XXYLT1: variants seen among roughly 807,000 people sequenced by gnomAD.
The protein encoded by XXYLT1 is xyloside xylosyltransferase 1, also known as UDP-xylose:alpha-xyloside alpha-1,3-xylosyltransferase.
In XXYLT1, 20 loss-of-function variants were observed where a neutral mutation model predicts 28.9. That is an observed-to-expected ratio of 0.69 (90% CI 0.49 to 1.00). XXYLT1 has a LOEUF of 1.00. Ranked by LOEUF, XXYLT1 falls within the 50% of genes least tolerant of loss-of-function variation. The pLI is 0.00. For missense variants in XXYLT1, 542 were observed against 560.1 expected (o/e 0.97, Z 0.33); for synonymous variants, 257 against 253.8 (o/e 1.01, Z -0.12).
chr3:195,235,828 CG>C (rs34077805), intron 1 of XXYLT1, among the ~76,000 whole-genome samples: 4,672 of 152,148 alleles, frequency 0.031, 139 homozygotes, highest in East Asian at 0.1. Flanking sequence ...AAGAATTCTC[CG>C]AATTACTTGT....
At chr3:195,152,755 A>G (rs967931383) in intron 3 of XXYLT1, 1 of 152,268 alleles carries the variant, frequency 6.6e-6, no homozygotes, top group African/African-American at 2.4e-5. Context: ...AGGTAAAGTA[A>G]CTATGGGACA....
chr3:195,260,651 C>T (rs1432379775), intron 1 of XXYLT1, among the ~76,000 whole-genome samples: 1 of 152,214 alleles, frequency 6.6e-6, no homozygotes, highest in East Asian at 1.9e-4. Flanking sequence ...ACCTCTCAAC[C>T]GACCCCTCCG....
chr3:195,069,485 G>A lies in XXYLT1; in HGVS notation c.*230C>T, dbSNP rs936331472. ...CCCACTGGACATGCGTGTCCTTTGT[G>A]TCGCCTGCTCCCTGGAGGAATAAGG... On this transcript the variant is annotated 3_prime_UTR_variant, in exon 4 of 4. Coordinates refer to ENST00000310380, the MANE Select transcript of XXYLT1 (RefSeq NM_152531.5). The A allele has an allele frequency of 4.8e-5, 27 of 567,570 alleles. No individual in the cohort carries two copies. The East Asian group carries it at 7.6e-4, about 16-fold the overall frequency. The allele number at this position is 567,570 out of a possible 1,614,324, so 35.2% of individuals were successfully genotyped here.
At chr3:195,114,875 G>T (rs540160341) in intron 3 of XXYLT1, among the ~76,000 whole-genome samples, 1 of 152,258 alleles carries the variant, frequency 6.6e-6, no homozygotes, top group Non-Finnish European at 1.5e-5. Flanking sequence ...CCCTGCCGGT[G>T]CAAGGAGGCT....
chr3:195,143,903 TTA>T (rs1403998754), intron 3 of XXYLT1, among the ~76,000 whole-genome samples: 33 of 136,402 alleles, frequency 2.4e-4, no homozygotes, highest in Non-Finnish European at 3.9e-4. Context: ...TTTTTTATTT[TTA>T]TTTTTTTTTT....
intron 3 of XXYLT1, among the ~76,000 whole-genome samples, chr3:195,075,113 A>G (rs75226331): frequency 0.12 from 18,773 of 152,206 alleles, 1,347 homozygotes; most frequent in East Asian, 0.3. Flanking sequence ...TTAGCCGGGC[A>G]TGGTGGCGTG....
At chr3:195,086,324 A>G (rs1203007871) in intron 3 of XXYLT1, among the ~76,000 whole-genome samples, 2 of 152,170 alleles carry the variant, frequency 1.3e-5, no homozygotes, top group African/African-American at 4.8e-5. Flanking sequence ...GCTTTATCAG[A>G]ACTGTCTGCT....
chr3:195,123,667 C>T (rs1395257233), intron 3 of XXYLT1, among the ~76,000 whole-genome samples: 9 of 152,150 alleles, frequency 5.9e-5, no homozygotes, highest in East Asian at 1.9e-4. Flanking sequence ...AGAATGATTG[C>T]GGATTCCAAG....
chr3:195,182,623 C>G (rs568733022), intron 2 of XXYLT1, among the ~76,000 whole-genome samples: 35 of 152,308 alleles, frequency 2.3e-4, no homozygotes, highest in South Asian at 2.3e-3. Flanking sequence ...CCTCCTCCCC[C>G]ACTCCCCTGA....
rs548413940 is a variant in XXYLT1, at chr3:195,142,341, T to C, written c.785+14108A>G. The stretch of plus-strand genomic sequence containing the variant: ...ATGGTGGGCAGGCAGATCTAGAAAA[T>C]GGAGTCTTCGGTGGCAGGGTCTCAT... On this transcript the variant is annotated intron_variant, in intron 3 of 3. Coordinates refer to ENST00000310380, the MANE Select transcript of XXYLT1 (RefSeq NM_152531.5). Among the ~76,000 whole-genome samples the C allele has an allele frequency of 2.3e-3, 355 of 152,342 alleles. 5 individuals are homozygous for C. The highest frequency in any genetic ancestry group is 3.0e-3 in the Non-Finnish European group (203 of 68,034).
intron 3 of XXYLT1, among the ~76,000 whole-genome samples, chr3:195,144,107 T>TTAA (rs1719705680): frequency 6.7e-6 from 1 of 149,646 alleles, no homozygotes; most frequent in East Asian, 2.1e-4. Context: ...TTGGCCAGGC[T>TTAA]GGTCTCAAAC....
intron 3 of XXYLT1, among the ~76,000 whole-genome samples, chr3:195,125,300 G>A (rs534524654): frequency 1.2e-4 from 19 of 152,306 alleles, no homozygotes; most frequent in East Asian, 1.9e-4. Flanking sequence ...CTCGACCTTC[G>A]ACCAAACAGT....
At chr3:195,105,765 C>T (rs1020781532) in intron 3 of XXYLT1, among the ~76,000 whole-genome samples, 3 of 152,218 alleles carry the variant, frequency 2.0e-5, no homozygotes, top group Non-Finnish European at 4.4e-5. Context: ...GCAGAGCCCC[C>T]CAGGTCATTT....
intron 3 of XXYLT1, among the ~76,000 whole-genome samples, chr3:195,100,339 G>A (rs1716707251): frequency 6.6e-6 from 1 of 152,142 alleles, no homozygotes; most frequent in Non-Finnish European, 1.5e-5. Context: ...ATGGAAGCCA[G>A]GTACAGCAGG....
At chr3:195,260,149 C>A (rs1349621187) in intron 1 of XXYLT1, 1 of 151,616 alleles carries the variant, frequency 6.6e-6, no homozygotes, top group Non-Finnish European at 1.5e-5. Flanking sequence ...GGCTTGGGGG[C>A]TGCAGCCGCG....
chr3:195,106,326 A>G, intron 3 of XXYLT1, among the ~76,000 whole-genome samples: 1 of 151,952 alleles, frequency 6.6e-6, no homozygotes. Flanking sequence ...TGATGGAGAG[A>G]TGCTCTTGTT....
intron 2 of XXYLT1, among the ~76,000 whole-genome samples, chr3:195,199,956 T>G (rs1408269082): frequency 2.0e-5 from 3 of 152,258 alleles, no homozygotes; most frequent in Non-Finnish European, 4.4e-5. Context: ...AGTTGGGACC[T>G]GCTGGTTAGT....
Position 195,150,759 on chromosome 3 carries a change from A to G in XXYLT1, c.785+5690T>C, listed in dbSNP as rs28569214. ...CACAAAGTGACCATAACAAAGGGCC[A>G]CAGCCCACATACGCACACACTCACA... On this transcript the variant is annotated intron_variant, in intron 3 of 3. Transcript: ENST00000310380. The surrounding 1 kb of genome is among the most constrained non-coding windows in gnomAD (Gnocchi z 4.7). Among the ~76,000 whole-genome samples, 38,505 of 151,728 alleles carry G rather than the reference A, an allele frequency of 0.25. 5,751 individuals carry two copies. Among genetic ancestry groups the G allele is most frequent in the East Asian group, 0.56 (2,888 of 5,116 alleles).
chr3:195,229,741 T>C (rs565995782), intron 1 of XXYLT1, among the ~76,000 whole-genome samples: 1 of 152,280 alleles, frequency 6.6e-6, no homozygotes, highest in African/African-American at 2.4e-5. Context: ...TATGGCTGAA[T>C]AGTACTCCAT....
Sources: allele counts gnomAD v4.1 joint callset (sites outside exome capture counted in the v4.1 genomes callset), GRCh38; gene constraint gnomAD v4.1.1; non-coding constraint Gnocchi (gnomAD v3.1); transcripts MANE v1.5; gene names NCBI Gene and HGNC (gene_info 2026-07-23, HGNC 2026-07-21).